Variants in IGF2BP1 observed in about 807,000 individuals in gnomAD.
IGF2BP1 encodes insulin-like growth factor 2 mRNA-binding protein 1.
IGF2BP1 carries 11 observed loss-of-function variants against 74.9 expected under a neutral mutation model. The ratio of observed to expected loss-of-function variants is 0.15; its 90% CI spans 0.09 to 0.24. The LOEUF (loss-of-function observed/expected upper bound fraction) is 0.24. Among genes scored for constraint, IGF2BP1 ranks in the 10% least tolerant of loss-of-function variants. The pLI is 1.00. For missense variants in IGF2BP1, 440 were observed against 757.4 expected (o/e 0.58, Z 4.92); for synonymous variants, 287 against 281.8 (o/e 1.02, Z -0.18).
chr17:49,026,559 T>G, intron 4 of IGF2BP1, 42 bp downstream of exon 4: 1 of 1,520,210 alleles, frequency 6.6e-7, no homozygotes, highest in Non-Finnish European at 9.1e-7. Context: ...GTGGTGGGGG[T>G]TGGAGGAGTT....
At chr17:49,044,900 G>A (rs2042093138) in intron 11 of IGF2BP1, 91 bp from the exon 12 acceptor site, 1 of 1,086,630 alleles carries the variant, frequency 9.2e-7, no homozygotes. Context: ...GTAGTTGGGA[G>A]TAAGGGTGGT....
chr17:48,999,158 CA>C lies in IGF2BP1; in HGVS notation c.231del (p.Lys77AsnfsTer31). 2.1e-6 allele frequency: 3 copies of C among 1,441,590 alleles called. No individual in the cohort carries two copies. The highest frequency in any genetic ancestry group is 2.8e-6 in the Non-Finnish European group (3 of 1,054,160). 89.3% of individuals were successfully genotyped at this position (1,441,590 alleles called of 1,614,324 possible). ...KRLEIEHSVP[K>X]KQRSRKIQIR... Reference sequence around the variant, plus strand: ...GCTTAGAGATTGAACATTCGGTGCCCAAAAAACAAAGGTAGGAAAGAGCTCT... The same window carrying C: ...GCTTAGAGATTGAACATTCGGTGCCCAAAAACAAAGGTAGGAAAGAGCTCT... On this transcript the variant is annotated frameshift_variant, in exon 2 of 15. Transcript: ENST00000290341. LOFTEE classifies it high-confidence loss of function.
At position 48,999,159 on chromosome 17, in the gene IGF2BP1, A is replaced by C; in HGVS notation, c.226A>C (p.Lys76Gln). The change falls in exon 2 of 15, where the codon AAA becomes CAA. Residue 76 changes from lysine (K) to glutamine (Q), a missense_variant. Physicochemically the swap from Lys to Gln is moderately conservative, Grantham distance 53. This residue lies in a region of IGF2BP1 where 105 missense variants were observed against 199.4 expected (regional missense o/e 0.53). Transcript: ENST00000290341. The part of the protein sequence containing the change: ...KRLEIEHSVP[K>Q]KQRSRKIQIR... Reference sequence around the variant, plus strand: ...CTTAGAGATTGAACATTCGGTGCCCAAAAAACAAAGGTAGGAAAGAGCTCT... The same window carrying C: ...CTTAGAGATTGAACATTCGGTGCCCCAAAAACAAAGGTAGGAAAGAGCTCT... 7.6e-7 allele frequency: 1 copy of C among 1,321,668 alleles called. No individual in the cohort carries two copies. The highest frequency in any genetic ancestry group is 1.0e-6 in the Non-Finnish European group (1 of 965,236). The allele number at this position is 1,321,668 out of a possible 1,614,324, so 81.9% of individuals were successfully genotyped here. A position where few individuals can be genotyped will look rare whatever the true frequency, so the allele number is the denominator to read the frequency against.
intron 2 of IGF2BP1, among the ~76,000 whole-genome samples, chr17:49,005,685 C>CT (rs897832974): frequency 2.2e-4 from 33 of 152,078 alleles, no homozygotes; most frequent in African/African-American, 4.8e-5. Flanking sequence ...TCAATCCTCT[C>CT]TACATTTCCT....
At chr17:48,999,807 C>G (rs528099612) in intron 2 of IGF2BP1, among the ~76,000 whole-genome samples, 1 of 151,562 alleles carries the variant, frequency 6.6e-6, no homozygotes, top group East Asian at 1.9e-4. Flanking sequence ...CCTTTTCGAG[C>G]CCCCCTACCC....
At chr17:49,022,009 T>C (rs1480085788) in intron 2 of IGF2BP1, among the ~76,000 whole-genome samples, 1 of 152,244 alleles carries the variant, frequency 6.6e-6, no homozygotes, top group Non-Finnish European at 1.5e-5. Context: ...CCTCTTTCCA[T>C]ACTAGTCTGG....
rs2042013039 is a variant in IGF2BP1, at chr17:49,038,456, C to T, written c.683+7C>T. ...CAAAACAGACCCAGTCCAAGTGAGT[C>T]TTGGCTCTTGGGGAATGGAGGTTGG... On this transcript the variant is annotated splice_region_variant and intron_variant, in intron 6 of 14. Coordinates refer to ENST00000290341, the MANE Select transcript of IGF2BP1 (RefSeq NM_006546.4). 1 of 1,479,768 alleles carries T rather than the reference C, an allele frequency of 6.8e-7. No homozygotes were observed. Among genetic ancestry groups the T allele is most frequent in the Non-Finnish European group, 9.0e-7 (1 of 1,108,526 alleles). 91.7% of individuals were successfully genotyped at this position (1,479,768 alleles called of 1,614,324 possible). A position where few individuals can be genotyped will look rare whatever the true frequency, so the allele number is the denominator to read the frequency against.
At chr17:49,023,129 A>G (rs1431624965) in intron 2 of IGF2BP1, among the ~76,000 whole-genome samples, 6 of 152,216 alleles carry the variant, frequency 3.9e-5, no homozygotes. Flanking sequence ...AGTTCTAGGA[A>G]ATTCCTCACA....
chr17:49,013,459 A>T (rs1480879440), intron 2 of IGF2BP1: 1 of 152,442 alleles, frequency 6.6e-6, no homozygotes. Context: ...CAAGGTCTCT[A>T]AGGAATGCCG....
At chr17:49,041,229 T>C in intron 7 of IGF2BP1, 149 bp from the exon 8 acceptor site, 2 of 804,404 alleles carry the variant, frequency 2.5e-6, no homozygotes, top group East Asian at 2.6e-5. Flanking sequence ...GTATAATAAA[T>C]CATACATATT....
intron 2 of IGF2BP1, among the ~76,000 whole-genome samples, chr17:48,999,925 TG>T (rs1178056664): frequency 3.8e-5 from 3 of 78,064 alleles, no homozygotes; most frequent in Admixed American, 2.3e-4. Flanking sequence ...GGATGAATGG[TG>T]TGTGTGTGTG....
At chr17:49,019,812 C>A (rs554109952) in intron 2 of IGF2BP1, among the ~76,000 whole-genome samples, 1 of 147,566 alleles carries the variant, frequency 6.8e-6, no homozygotes, top group Non-Finnish European at 1.5e-5. Flanking sequence ...GGTGCCATCT[C>A]GGCTCACTGC....
chr17:49,005,889 C>T (rs1270637658), intron 2 of IGF2BP1, among the ~76,000 whole-genome samples: 2 of 152,176 alleles, frequency 1.3e-5, no homozygotes, highest in East Asian at 3.9e-4. Flanking sequence ...TGGTGAAACC[C>T]TGCCTGTACT....
chr17:49,001,333 ATAT>A (rs1351633387), intron 2 of IGF2BP1, among the ~76,000 whole-genome samples: 4 of 152,164 alleles, frequency 2.6e-5, no homozygotes, highest in African/African-American at 9.7e-5. Flanking sequence ...TATACAAATA[ATAT>A]TTTGTGTATA....
rs1038954834 is a variant in IGF2BP1, at chr17:49,055,396, C to G, written c.*5952C>G. The G allele has an allele frequency of 5.5e-6, 2 of 361,086 alleles. No homozygotes were observed. Among genetic ancestry groups the G allele is most frequent in the African/African-American group, 4.2e-5 (2 of 47,850 alleles). The allele number at this position is 361,086 out of a possible 1,614,324, so 22.4% of individuals were successfully genotyped here. On this transcript the variant is annotated 3_prime_UTR_variant, in exon 15 of 15. Coordinates refer to ENST00000290341, the MANE Select transcript of IGF2BP1 (RefSeq NM_006546.4). ...GTGAGTCCTTCCTGTGCTTCTCTCC[C>G]TTCTCCCCTCCCAGCCAGCTGACTT...
chr17:49,005,060 AG>A (rs996424980), intron 2 of IGF2BP1, among the ~76,000 whole-genome samples: 4 of 152,180 alleles, frequency 2.6e-5, no homozygotes, highest in Non-Finnish European at 5.9e-5. Flanking sequence ...ACTGGATAGA[AG>A]GGGGGTCATC....
At chr17:49,045,660 C>T (rs1045971316) in intron 12 of IGF2BP1, among the ~76,000 whole-genome samples, 20 of 152,168 alleles carry the variant, frequency 1.3e-4, no homozygotes, top group Admixed American at 1.3e-3. Flanking sequence ...TATTCAATTA[C>T]TCATAACTCA....
Position 48,997,909 on chromosome 17 carries a change from A to C in IGF2BP1, c.164A>C (p.Glu55Ala). 6.2e-7 allele frequency: 1 copy of C among 1,613,876 alleles called. No individual in the cohort carries two copies. Among genetic ancestry groups the C allele is most frequent in the Non-Finnish European group, 8.5e-7 (1 of 1,179,920 alleles). The part of the protein sequence containing the change: ...PDEHWAMKAI[E>A]TFSGKVELQG... ...GAGCACTGGGCGATGAAGGCCATCG[A>C]AACTTTCTCCGGTAAGAACACAGCC... is the stretch of plus-strand genomic sequence containing the variant. Residue 55 changes from glutamate (E) to alanine (A), a missense_variant, in exon 1 of 15, where the codon GAA becomes GCA. Coordinates refer to ENST00000290341, the MANE Select transcript of IGF2BP1 (RefSeq NM_006546.4). This position sits in a 1 kb window ranked among gnomAD's most constrained non-coding sequence, Gnocchi z 4.8.
intron 5 of IGF2BP1, chr17:49,037,413 G>T (rs773993431): frequency 1.1e-4 from 50 of 460,722 alleles, no homozygotes; most frequent in Non-Finnish European, 1.9e-4. Flanking sequence ...GAAGGCTACA[G>T]AAACTTCCCA....
Sources: allele counts gnomAD v4.1 joint callset (sites outside exome capture counted in the v4.1 genomes callset), GRCh38; gene constraint gnomAD v4.1.1; regional missense constraint gnomAD v4.1.1; non-coding constraint Gnocchi (gnomAD v3.1); transcripts MANE v1.5; gene names NCBI Gene and HGNC (gene_info 2026-07-23, HGNC 2026-07-21).